Variants in YPEL2 observed in about 807,000 individuals in gnomAD.
YPEL2 encodes the protein protein yippee-like 2.
YPEL2 carries 2 observed loss-of-function variants against 19.1 expected under a neutral mutation model. That is an observed-to-expected ratio of 0.10 (90% CI 0.04 to 0.33). YPEL2 has a LOEUF of 0.33. YPEL2 is among the 10% of genes least tolerant of loss of function. The probability of loss-of-function intolerance (pLI) is 1.00; values close to 1 mark genes in which losing one functional copy is unlikely to be tolerated. For missense variants in YPEL2, 66 were observed against 140.7 expected, an observed-to-expected ratio of 0.47 and a Z score of 2.68; for synonymous variants, 52 against 50.0, an observed-to-expected ratio of 1.04 and a Z score of -0.17.
intron 1 of YPEL2, among the ~76,000 whole-genome samples, chr17:59,344,982 G>A (rs1598027319): frequency 6.6e-6 from 1 of 152,172 alleles, no homozygotes; most frequent in Admixed American, 6.5e-5. Context: ...GGATGAAACT[G>A]TTCCACCTCA....
In YPEL2 at chr17:59,397,713, C is replaced by T. The variant is rs1409267805; in HGVS notation, c.*523C>T. 1 of 152,206 alleles carries T rather than the reference C, an allele frequency of 6.6e-6. No homozygotes were observed. Among genetic ancestry groups the T allele is most frequent in the Non-Finnish European group, 1.5e-5 (1 of 68,060 alleles). The allele number at this position is 152,206 out of a possible 1,614,324, so 9.4% of individuals were successfully genotyped here. A position where few individuals can be genotyped will look rare whatever the true frequency, so the allele number is the denominator to read the frequency against. Reference sequence around the variant, plus strand: ...AAAGGACAAAGAGAAAAAAAAAATACCTCATGACTGCATTCTCTCTGACTA... The same window carrying T: ...AAAGGACAAAGAGAAAAAAAAAATATCTCATGACTGCATTCTCTCTGACTA... On this transcript the variant is annotated 3_prime_UTR_variant, in exon 5 of 5. Coordinates refer to ENST00000312655, the MANE Select transcript of YPEL2 (RefSeq NM_001005404.4).
intron 2 of YPEL2, chr17:59,355,390 T>A (rs1035841507): frequency 1.3e-5 from 2 of 152,298 alleles, no homozygotes; most frequent in South Asian, 4.1e-4. Flanking sequence ...CCTTCAGAAT[T>A]TATGTCTTAT....
chr17:59,392,197 A>G (rs1447934955), intron 4 of YPEL2, among the ~76,000 whole-genome samples: 1 of 152,198 alleles, frequency 6.6e-6, no homozygotes, highest in East Asian at 1.9e-4. Context: ...ACTGCCCTGA[A>G]GATGTGTTGG....
At chr17:59,340,845 G>C (rs2047725834) in intron 1 of YPEL2, among the ~76,000 whole-genome samples, 2 of 151,638 alleles carry the variant, frequency 1.3e-5, no homozygotes, top group African/African-American at 4.8e-5. Flanking sequence ...CTCCCAAGTA[G>C]CTGGGATTAC....
rs2048068880 is a variant in YPEL2 at position 59,401,086 on chromosome 17, C to T, written c.*3896C>T. ...AGGGCTCCAGCTGTTTTAGAAGCCACATCATGTTAAACATTAACTGGTTTG... is the reference window on the plus strand; with the variant it reads ...AGGGCTCCAGCTGTTTTAGAAGCCATATCATGTTAAACATTAACTGGTTTG... On this transcript the variant is annotated 3_prime_UTR_variant, in exon 5 of 5. Coordinates refer to ENST00000312655, the MANE Select transcript of YPEL2 (RefSeq NM_001005404.4). 1 of 152,184 alleles carries T rather than the reference C, an allele frequency of 6.6e-6. No homozygotes were observed. The highest frequency in any genetic ancestry group is 1.5e-5 in the Non-Finnish European group (1 of 68,010). 9.4% of individuals were successfully genotyped at this position (152,184 alleles called of 1,614,324 possible).
chr17:59,389,829 A>G (rs1431881777), intron 4 of YPEL2, among the ~76,000 whole-genome samples: 1 of 152,038 alleles, frequency 6.6e-6, no homozygotes, highest in Non-Finnish European at 1.5e-5. Flanking sequence ...AAGGAGGTTA[A>G]TAGTATGTCC....
chr17:59,383,237 G>A (rs1041238865), intron 2 of YPEL2, among the ~76,000 whole-genome samples: 4 of 151,740 alleles, frequency 2.6e-5, no homozygotes, highest in Admixed American at 1.3e-4. Flanking sequence ...ATAGTCATAC[G>A]AGTTTTAACA....
At chr17:59,361,334 A>C (rs1169654836) in intron 2 of YPEL2, among the ~76,000 whole-genome samples, 1 of 152,186 alleles carries the variant, frequency 6.6e-6, no homozygotes, top group Non-Finnish European at 1.5e-5. Flanking sequence ...GCACTATTCT[A>C]GATATTATAA....
At chr17:59,376,704 C>G (rs2147950850) in intron 2 of YPEL2, among the ~76,000 whole-genome samples, 1 of 152,194 alleles carries the variant, frequency 6.6e-6, no homozygotes, top group Admixed American at 6.5e-5. Context: ...GAGTGTGAGC[C>G]ATGACTGTTA....
chr17:59,384,876 T>A (rs866867843), intron 2 of YPEL2, among the ~76,000 whole-genome samples: 10 of 152,214 alleles, frequency 6.6e-5, no homozygotes, highest in African/African-American at 2.4e-4. Context: ...CTGTCATTAA[T>A]GGTGAAGCTC....
At chr17:59,366,018 C>CT (rs1555570714) in intron 2 of YPEL2, 1 of 152,424 alleles carries the variant, frequency 6.6e-6, no homozygotes, top group Non-Finnish European at 1.5e-5. Context: ...GGAAAATTCT[C>CT]TATCTTTGGG....
intron 1 of YPEL2, among the ~76,000 whole-genome samples, chr17:59,337,992 A>C (rs2047708180): frequency 6.6e-6 from 1 of 152,188 alleles, no homozygotes; most frequent in African/African-American, 2.4e-5. Flanking sequence ...GGCAGAGTCT[A>C]CCTTCTCTCT....
chr17:59,401,604 A>G lies in YPEL2; in HGVS notation c.*4414A>G, dbSNP rs1016934126. On this transcript the variant is annotated 3_prime_UTR_variant, in exon 5 of 5. Coordinates refer to ENST00000312655, the MANE Select transcript of YPEL2 (RefSeq NM_001005404.4). ...TAACAAAGGTAATTGTTTTCAAATAATTTGTCTTCACCTTTTCCTGTATTT... is the reference window on the plus strand; with the variant it reads ...TAACAAAGGTAATTGTTTTCAAATAGTTTGTCTTCACCTTTTCCTGTATTT... The G allele has an allele frequency of 1.3e-5, 2 of 152,566 alleles. No homozygotes were observed. The highest frequency in any genetic ancestry group is 4.8e-5 in the African/African-American group (2 of 41,418). The allele number at this position is 152,566 out of a possible 1,614,324, so 9.5% of individuals were successfully genotyped here.
In YPEL2 at chr17:59,399,429, A is replaced by G. The variant is rs984655209; in HGVS notation, c.*2239A>G. The G allele has an allele frequency of 2.6e-5, 4 of 152,204 alleles. No homozygotes were observed. The highest frequency in any genetic ancestry group is 9.7e-5 in the African/African-American group (4 of 41,448). The allele number at this position is 152,204 out of a possible 1,614,324, so 9.4% of individuals were successfully genotyped here. On this transcript the variant is annotated 3_prime_UTR_variant, in exon 5 of 5. Transcript: ENST00000312655. ...ATAAACTAGACATGGGGTGCCCTCA[A>G]GTTTCCAAGGGGACCAATGTGCCAC...
chr17:59,336,299 G>A (rs1253751419), intron 1 of YPEL2, among the ~76,000 whole-genome samples: 2 of 152,154 alleles, frequency 1.3e-5, no homozygotes, highest in Non-Finnish European at 2.9e-5. Context: ...GGTTGGCAAA[G>A]CCTCCAAAAG....
rs142760623 is a variant in YPEL2, at chr17:59,392,802, G to A, written c.270+3334G>A. On this transcript the variant is annotated intron_variant, in intron 4 of 4. Transcript: ENST00000312655. ...GCTGGGATTACAGGTGTGAGCCACC[G>A]TGCCCGGCCCTAAATTTTTTGTATT... Among the ~76,000 whole-genome samples, 311 of 151,868 alleles carry A rather than the reference G, an allele frequency of 2.0e-3. 2 individuals carry two copies. Among genetic ancestry groups the A allele is most frequent in the African/African-American group, 7.3e-3 (304 of 41,390 alleles).
At chr17:59,356,557 C>G (rs1350442437) in intron 2 of YPEL2, among the ~76,000 whole-genome samples, 2 of 152,226 alleles carry the variant, frequency 1.3e-5, no homozygotes, top group Non-Finnish European at 2.9e-5. Context: ...GGCCTAGTTG[C>G]TTGCAATCAA....
At chr17:59,394,131 C>T (rs1203842269) in intron 4 of YPEL2, among the ~76,000 whole-genome samples, 1 of 150,408 alleles carries the variant, frequency 6.6e-6, no homozygotes, top group African/African-American at 2.5e-5. Flanking sequence ...CGGCAGCTGG[C>T]CAGGCGGGGG....
intron 4 of YPEL2, among the ~76,000 whole-genome samples, chr17:59,393,095 C>A (rs1200101916): frequency 6.6e-6 from 1 of 152,118 alleles, no homozygotes; most frequent in Non-Finnish European, 1.5e-5. Context: ...CCATTGGAAT[C>A]CAATTCTGAC....
Sources: allele counts gnomAD v4.1 joint callset (sites outside exome capture counted in the v4.1 genomes callset), GRCh38; gene constraint gnomAD v4.1.1; transcripts MANE v1.5; gene names NCBI Gene and HGNC (gene_info 2026-07-23, HGNC 2026-07-21).